KCNQ5: variants seen among roughly 807,000 people sequenced by gnomAD.
KCNQ5 encodes potassium voltage-gated channel subfamily Q member 5.
In KCNQ5, 30 loss-of-function variants were observed where a neutral mutation model predicts 98.2. The observed-to-expected ratio is 0.31, with a 90% CI of 0.23 to 0.41. The LOEUF is 0.41. KCNQ5 is among the 10% of genes least tolerant of loss of function. KCNQ5 has a pLI of 1.00. For synonymous variants in KCNQ5, 458 were observed against 449.4 expected (o/e 1.02, Z -0.24); for missense variants, 835 against 1,182.5 (o/e 0.71, Z 4.31).
intron 2 of KCNQ5, among the ~76,000 whole-genome samples, chr6:73,040,556 G>A (rs533116894): frequency 2.8e-4 from 43 of 152,188 alleles, no homozygotes; most frequent in African/African-American, 8.9e-4. Context: ...CAAAACCTTC[G>A]GATTATTAAT....
At chr6:73,077,946 C>T (rs1773601629) in intron 5 of KCNQ5, 59 bp downstream of exon 5, 1 of 1,369,716 alleles carries the variant, frequency 7.3e-7, no homozygotes, top group African/African-American at 1.5e-5. Context: ...TTTTTTAATA[C>T]AACGTAATGG....
At chr6:72,809,299 G>T (rs1008194613) in intron 1 of KCNQ5, among the ~76,000 whole-genome samples, 2 of 149,488 alleles carry the variant, frequency 1.3e-5, no homozygotes, top group Admixed American at 6.7e-5. Flanking sequence ...GCTAGATGAC[G>T]AGTTAGTGGG....
At chr6:72,697,841 C>T (rs764417949) in intron 1 of KCNQ5, among the ~76,000 whole-genome samples, 1 of 152,108 alleles carries the variant, frequency 6.6e-6, no homozygotes, top group Non-Finnish European at 1.5e-5. Flanking sequence ...ACAATGTATA[C>T]ATAGATCTAA....
intron 1 of KCNQ5, among the ~76,000 whole-genome samples, chr6:72,795,635 G>A (rs1166432793): frequency 6.6e-6 from 1 of 152,090 alleles, no homozygotes; most frequent in African/African-American, 2.4e-5. Context: ...CAAAATACTA[G>A]GTGGGAGTAA....
At chr6:72,820,484 C>CTT in intron 1 of KCNQ5, among the ~76,000 whole-genome samples, 1 of 145,562 alleles carries the variant, frequency 6.9e-6, no homozygotes, top group South Asian at 2.2e-4. Flanking sequence ...TTCTTTCTTT[C>CTT]TTTTTTTTTT....
intron 10 of KCNQ5, among the ~76,000 whole-genome samples, chr6:73,145,872 T>C (rs1776900123): frequency 6.6e-6 from 1 of 152,162 alleles, no homozygotes; most frequent in Non-Finnish European, 1.5e-5. Context: ...CTTACAGTCA[T>C]GTCAGAAGAG....
At chr6:72,987,608 TGCAGCAGAACC>T (rs1308477192) in intron 1 of KCNQ5, 6 of 586,688 alleles carry the variant, frequency 1.0e-5, no homozygotes, top group South Asian at 6.6e-5. Flanking sequence ...CAGCAGAACC[TGCAGCAGAACC>T]TGCAGCAGGA....
At chr6:72,872,543 T>A (rs1039210757) in intron 1 of KCNQ5, among the ~76,000 whole-genome samples, 3 of 152,182 alleles carry the variant, frequency 2.0e-5, no homozygotes, top group Middle Eastern at 3.2e-3. Flanking sequence ...TTATTTCATT[T>A]AAACCTCTCA....
intron 1 of KCNQ5, among the ~76,000 whole-genome samples, chr6:72,778,496 G>T (rs187139981): frequency 1.2e-4 from 18 of 150,868 alleles, no homozygotes; most frequent in Admixed American, 4.6e-4. Context: ...CAGAGATCAC[G>T]CCACTGCACT....
At chr6:72,793,603 C>A (rs146416928) in intron 1 of KCNQ5, among the ~76,000 whole-genome samples, 4 of 152,238 alleles carry the variant, frequency 2.6e-5, no homozygotes, top group East Asian at 3.9e-4. Flanking sequence ...TCATTAATTT[C>A]TTTTCAGAAT....
intron 1 of KCNQ5, among the ~76,000 whole-genome samples, chr6:72,776,807 C>G (rs973531621): frequency 2.6e-5 from 4 of 151,986 alleles, no homozygotes; most frequent in Non-Finnish European, 4.4e-5. Context: ...GAGGCAGGGA[C>G]AGGGAGAGGC....
intron 2 of KCNQ5, among the ~76,000 whole-genome samples, chr6:73,029,066 G>A (rs1399776931): frequency 6.6e-6 from 1 of 152,144 alleles, no homozygotes; most frequent in Non-Finnish European, 1.5e-5. Context: ...ATAATGGGTG[G>A]CAAGCAGGCA....
At chr6:72,768,399 G>C (rs997358087) in intron 1 of KCNQ5, among the ~76,000 whole-genome samples, 1 of 152,014 alleles carries the variant, frequency 6.6e-6, no homozygotes, top group Non-Finnish European at 1.5e-5. Context: ...GCTTCTTCAA[G>C]AAATTTTGCT....
chr6:72,831,880 G>C (rs1384271893), intron 1 of KCNQ5, among the ~76,000 whole-genome samples: 1 of 152,060 alleles, frequency 6.6e-6, no homozygotes, highest in Non-Finnish European at 1.5e-5. Context: ...ATTTCAGGGA[G>C]TATGTAAAGG....
At chr6:72,932,252 TTG>T (rs1364023257) in intron 1 of KCNQ5, among the ~76,000 whole-genome samples, 2 of 151,514 alleles carry the variant, frequency 1.3e-5, no homozygotes, top group Non-Finnish European at 3.0e-5. Flanking sequence ...ATATGTGTGT[TTG>T]TGTGTGTGTG....
chr6:72,983,144 G>A (rs1364801347), intron 1 of KCNQ5, among the ~76,000 whole-genome samples: 1 of 152,120 alleles, frequency 6.6e-6, no homozygotes, highest in East Asian at 1.9e-4. Flanking sequence ...TGACAATTAT[G>A]TGTCTTGGGG....
intron 10 of KCNQ5, among the ~76,000 whole-genome samples, chr6:73,160,002 T>C (rs1777548048): frequency 7.7e-6 from 1 of 130,388 alleles, no homozygotes. Flanking sequence ...TTTTTGTTTG[T>C]TTGTTTGTTT....
intron 1 of KCNQ5, among the ~76,000 whole-genome samples, chr6:72,747,204 A>G (rs1771449550): frequency 6.6e-6 from 1 of 152,186 alleles, no homozygotes; most frequent in African/African-American, 2.4e-5. Context: ...GATTAATTTT[A>G]AATTATATCA....
intron 1 of KCNQ5, among the ~76,000 whole-genome samples, chr6:72,666,656 A>T (rs1766832437): frequency 6.6e-6 from 1 of 152,194 alleles, no homozygotes; most frequent in Non-Finnish European, 1.5e-5. Context: ...AAGTGATCTG[A>T]AATACAGATT....
Sources: gnomAD v4.1 joint callset for allele counts (sites outside exome capture counted in the v4.1 genomes callset) on GRCh38, gnomAD v4.1.1 for gene constraint, MANE v1.5 for transcripts, NCBI Gene and HGNC (gene_info 2026-07-23, HGNC 2026-07-21) for gene names.